Variants in EPHB2 observed in about 807,000 individuals in gnomAD.
EPHB2 encodes EPH receptor B2.
In EPHB2, 18 loss-of-function variants were observed where a neutral mutation model predicts 96.4. That is an observed-to-expected ratio of 0.19 (90% CI 0.13 to 0.28). The LOEUF (loss-of-function observed/expected upper bound fraction) is 0.28. EPHB2 is among the 10% of genes least tolerant of loss of function. The probability of loss-of-function intolerance (pLI) is 1.00; values close to 1 mark genes in which losing one functional copy is unlikely to be tolerated. For synonymous variants in EPHB2, 506 were observed against 534.1 expected, an observed-to-expected ratio of 0.95 and a Z score of 0.72; for missense variants, 989 against 1,355.4, an observed-to-expected ratio of 0.73 and a Z score of 4.25.
intron 3 of EPHB2, among the ~76,000 whole-genome samples, chr1:22,796,720 T>A (rs548049132): frequency 6.6e-6 from 1 of 152,340 alleles, no homozygotes; most frequent in Admixed American, 6.5e-5. Context: ...GGAATCTACT[T>A]GTAAGTAACA....
At chr1:22,765,127 A>G (rs1271939833) in intron 1 of EPHB2, among the ~76,000 whole-genome samples, 1 of 152,120 alleles carries the variant, frequency 6.6e-6, no homozygotes, top group African/African-American at 2.4e-5. Context: ...CTGGGAACCA[A>G]TTCTGGCCAC....
At chr1:22,751,264 G>A (rs1644058369) in intron 1 of EPHB2, among the ~76,000 whole-genome samples, 1 of 152,154 alleles carries the variant, frequency 6.6e-6, no homozygotes, top group Non-Finnish European at 1.5e-5. Context: ...ACAGATGGGA[G>A]CGCTCACCTG....
chr1:22,891,003 C>G, intron 6 of EPHB2: 1 of 447,832 alleles, frequency 2.2e-6, no homozygotes, highest in Admixed American at 2.4e-5. Context: ...AGCCCCCGTC[C>G]CAGACCAGGT....
intron 9 of EPHB2, among the ~76,000 whole-genome samples, 186 bp downstream of exon 9, chr1:22,896,664 C>A (rs143612851): frequency 2.7e-4 from 41 of 152,294 alleles, no homozygotes; most frequent in African/African-American, 9.1e-4. Context: ...CTGCCTCAAG[C>A]GCTCTCCCCC....
intron 1 of EPHB2, among the ~76,000 whole-genome samples, chr1:22,712,105 A>G (rs182539765): frequency 6.6e-6 from 1 of 152,354 alleles, no homozygotes; most frequent in Admixed American, 6.5e-5. Flanking sequence ...TGCACAGTTG[A>G]CAAGGTACTT....
chr1:22,838,243 T>G (rs1051744479), intron 3 of EPHB2, among the ~76,000 whole-genome samples: 3 of 152,198 alleles, frequency 2.0e-5, no homozygotes, highest in Non-Finnish European at 4.4e-5. Context: ...GAAGCTCAAG[T>G]GCAATAACCA....
chr1:22,731,880 G>A (rs948428174), intron 1 of EPHB2, among the ~76,000 whole-genome samples: 1 of 152,172 alleles, frequency 6.6e-6, no homozygotes, highest in African/African-American at 2.4e-5. Flanking sequence ...TCACTGTGTA[G>A]AAGCCAGGGC....
intron 1 of EPHB2, among the ~76,000 whole-genome samples, chr1:22,740,749 C>G (rs1557646444): frequency 6.6e-6 from 1 of 152,170 alleles, no homozygotes; most frequent in Non-Finnish European, 1.5e-5. Flanking sequence ...CGTCTCATCC[C>G]TCCCAGAGCC....
intron 6 of EPHB2, 62 bp downstream of exon 6, chr1:22,882,545 G>C (rs1639084038): frequency 8.1e-6 from 13 of 1,604,454 alleles, no homozygotes; most frequent in Middle Eastern, 1.8e-4. Context: ...CTCCCAGGCT[G>C]AGGCCTGGGA....
intron 1 of EPHB2, among the ~76,000 whole-genome samples, chr1:22,772,396 G>A (rs1483412757): frequency 1.3e-5 from 2 of 152,184 alleles, no homozygotes; most frequent in African/African-American, 4.8e-5. Flanking sequence ...GTGGGAGGAC[G>A]AGAAGGGGTG....
intron 1 of EPHB2, among the ~76,000 whole-genome samples, chr1:22,728,380 G>A (rs974133917): frequency 2.7e-4 from 41 of 152,248 alleles, no homozygotes; most frequent in African/African-American, 9.9e-4. Context: ...CCACTTTGCA[G>A]AGGAGGAAAC....
intron 3 of EPHB2, among the ~76,000 whole-genome samples, chr1:22,808,436 T>TC (rs1644957949): frequency 6.6e-6 from 1 of 152,190 alleles, no homozygotes; most frequent in South Asian, 2.1e-4. Context: ...CTGTCTCCCT[T>TC]CCCGGGCACA....
intron 3 of EPHB2, among the ~76,000 whole-genome samples, chr1:22,842,820 T>G (rs1645489212): frequency 6.6e-6 from 1 of 152,058 alleles, no homozygotes; most frequent in Non-Finnish European, 1.5e-5. Context: ...TGGAATACCC[T>G]TCCCTGCACT....
intron 9 of EPHB2, among the ~76,000 whole-genome samples, chr1:22,901,804 CGTGTGTGTGTGTGTGAGT>C (rs1384430014): frequency 9.2e-6 from 1 of 109,226 alleles, no homozygotes; most frequent in Non-Finnish European, 1.9e-5. Context: ...CATTTAACTT[CGTGTGTGTGTGTGTGAGT>C]GTGTGTGTGT....
chr1:22,732,342 T>C (rs1215587980), intron 1 of EPHB2, among the ~76,000 whole-genome samples: 1 of 105,956 alleles, frequency 9.4e-6, no homozygotes, highest in Non-Finnish European at 2.0e-5. Flanking sequence ...AAGGTGGGGG[T>C]GGAAACCTGG....
chr1:22,841,085 G>A (rs777105580), intron 3 of EPHB2, among the ~76,000 whole-genome samples: 10 of 149,982 alleles, frequency 6.7e-5, no homozygotes, highest in Non-Finnish European at 1.0e-4. Context: ...CACATAGCAG[G>A]TTCTCAATCA....
At chr1:22,761,787 T>C (rs1215984096) in intron 1 of EPHB2, among the ~76,000 whole-genome samples, 1 of 152,146 alleles carries the variant, frequency 6.6e-6, no homozygotes, top group Non-Finnish European at 1.5e-5. Flanking sequence ...TCATGGTGTG[T>C]GCAGTCTGCC....
intron 3 of EPHB2, among the ~76,000 whole-genome samples, chr1:22,826,550 C>T (rs1645226824): frequency 6.6e-6 from 1 of 152,208 alleles, no homozygotes; most frequent in Non-Finnish European, 1.5e-5. Context: ...CTCCTGGCAT[C>T]GGAGGACTGG....
chr1:22,822,785 C>T (rs1290802504), intron 3 of EPHB2, among the ~76,000 whole-genome samples: 2 of 152,240 alleles, frequency 1.3e-5, no homozygotes, highest in Admixed American at 6.5e-5. Context: ...CGTCCAGTTT[C>T]AGGCCCAGTG....
Sources: gnomAD v4.1 joint callset for allele counts (sites outside exome capture counted in the v4.1 genomes callset) on GRCh38, gnomAD v4.1.1 for gene constraint, MANE v1.5 for transcripts, NCBI Gene and HGNC (gene_info 2026-07-23, HGNC 2026-07-21) for gene names.